The following TAB3 variants were observed in gnomAD, a reference collection of about 807,000 sequenced individuals.
TAB3 encodes TGF-beta activated kinase 1 (MAP3K7) binding protein 3, also known as TGF-beta-activated kinase 1 and MAP3K7-binding protein 3.
In TAB3, 18 loss-of-function variants were observed where a neutral mutation model predicts 48.1. That is an observed-to-expected ratio of 0.37 (90% CI 0.26 to 0.55). TAB3 has a LOEUF of 0.55. Ranked by LOEUF, TAB3 falls within the 20% of genes least tolerant of loss-of-function variation. The pLI is 0.78. For synonymous variants in TAB3, 185 were observed against 190.2 expected (o/e 0.97, Z 0.22); for missense variants, 414 against 549.8 (o/e 0.75, Z 2.47).
intron 10 of TAB3, among the ~76,000 whole-genome samples, chrX:30,833,258 C>T (rs933684809): frequency 7.5e-4 from 82 of 109,939 alleles, no homozygotes; most frequent in African/African-American, 1.4e-3. Context: ...TGTGAGCCAC[C>T]GCACCCGGCC....
intron 1 of TAB3, among the ~76,000 whole-genome samples, 199 bp downstream of exon 1, chrX:30,888,915 G>C (rs775994461): frequency 8.8e-6 from 1 of 113,170 alleles, no homozygotes; most frequent in African/African-American, 3.2e-5. Flanking sequence ...GGCGGGCGCG[G>C]ACGCGCCAGG....
intron 6 of TAB3, among the ~76,000 whole-genome samples, chrX:30,853,799 C>T (rs6631194): frequency 0.47 from 51,804 of 110,537 alleles, 9,947 homozygotes; most frequent in Non-Finnish European, 0.61. Flanking sequence ...CTTAGCCTCC[C>T]GAGTAGCTGG....
At chrX:30,863,917 A>G (rs1046393874) in intron 4 of TAB3, among the ~76,000 whole-genome samples, 24 of 112,507 alleles carry the variant, frequency 2.1e-4, no homozygotes, top group African/African-American at 7.4e-4. Flanking sequence ...CATATTATAG[A>G]TGTGGCTACC....
chrX:30,831,664 C>G (rs1938036739), intron 10 of TAB3, 89 bp from the exon 11 acceptor site: 2 of 1,020,051 alleles, frequency 2.0e-6, no homozygotes, highest in Non-Finnish European at 1.3e-6. Context: ...AAAAATACCA[C>G]AAAAATCAAG....
At chrX:30,884,942 C>G (rs1940090334) in intron 1 of TAB3, among the ~76,000 whole-genome samples, 2 of 112,138 alleles carry the variant, frequency 1.8e-5, no homozygotes, top group South Asian at 3.7e-4. Flanking sequence ...TATGAAAAAC[C>G]AAAACTATGC....
intron 1 of TAB3, among the ~76,000 whole-genome samples, chrX:30,881,309 G>A (rs185997019): frequency 2.7e-5 from 3 of 110,179 alleles, no homozygotes; most frequent in African/African-American, 6.6e-5. Flanking sequence ...GTTCACTACC[G>A]TACTTTCTGT....
At chrX:30,871,249 T>C (rs6628557) in intron 2 of TAB3, among the ~76,000 whole-genome samples, 53,252 of 110,724 alleles carry the variant, frequency 0.48, 10,273 homozygotes, top group Non-Finnish European at 0.62. Context: ...TTATTTAACA[T>C]GGATTTGAGA....
In TAB3 at chrX:30,831,326, G is replaced by A. The variant is rs991144678; in HGVS notation, c.*101C>T. 2.5e-5 allele frequency: 24 copies of A among 977,787 alleles called. 1 individual carries two copies. Among genetic ancestry groups the A allele is most frequent in the East Asian group, 6.8e-5 (2 of 29,384 alleles). 80.6% of individuals were successfully genotyped at this position (977,787 alleles called of 1,213,427 possible). A position where few individuals can be genotyped will look rare whatever the true frequency, so the allele number is the denominator to read the frequency against. On this transcript the variant is annotated 3_prime_UTR_variant, in exon 11 of 11. Transcript: ENST00000288422. Reference sequence around the variant, plus strand: ...CATTCCTCCTCCCCGCTGTGCAATCGAAAATGAAAAGGCTGGGTGGATGAA... The same window carrying A: ...CATTCCTCCTCCCCGCTGTGCAATCAAAAATGAAAAGGCTGGGTGGATGAA...
chrX:30,877,144 T>C (rs1249904864), intron 1 of TAB3, among the ~76,000 whole-genome samples: 1 of 112,200 alleles, frequency 8.9e-6, no homozygotes, highest in African/African-American at 3.2e-5. Context: ...GTTAGATTGA[T>C]AGCTTAATTT....
chrX:30,853,350 G>A (rs978632055), intron 6 of TAB3, among the ~76,000 whole-genome samples: 1 of 112,546 alleles, frequency 8.9e-6, no homozygotes, highest in African/African-American at 3.2e-5. Context: ...TCTACTATTA[G>A]CTAATCCAGT....
intron 1 of TAB3, among the ~76,000 whole-genome samples, chrX:30,872,725 A>G (rs1939697632): frequency 8.9e-6 from 1 of 112,189 alleles, no homozygotes; most frequent in South Asian, 3.7e-4. Flanking sequence ...ATGCACCAGT[A>G]ATCAATGGAT....
At position 30,881,488 on chromosome X, in the gene TAB3, A is replaced by G. The variant is rs150896197; in HGVS notation, c.-383+7626T>C. Among the ~76,000 whole-genome samples the G allele has an allele frequency of 9.6e-3, 1,073 of 111,579 alleles. 9 individuals carry two copies. Among genetic ancestry groups the G allele is most frequent in the African/African-American group, 0.033 (1,023 of 30,737 alleles). ...ACAAAATTTTAAAAAGCAATATACT[A>G]ATTACCAAAAATATACAAGAGGTGT... On this transcript the variant is annotated intron_variant, in intron 1 of 10. Transcript: ENST00000288422.
chrX:30,830,515 A>C lies in TAB3; in HGVS notation c.*912T>G, dbSNP rs961387788. On this transcript the variant is annotated 3_prime_UTR_variant, in exon 11 of 11. Coordinates refer to ENST00000288422, the MANE Select transcript of TAB3 (RefSeq NM_152787.5). ...AACCACAGCTGAGCTCAAGATTTCC[A>C]AATGGATTTTGGAATGGACTTGCAT... The C allele has an allele frequency of 8.9e-6, 1 of 112,506 alleles. No individual in the cohort carries two copies. Among genetic ancestry groups the C allele is most frequent in the East Asian group, 2.8e-4 (1 of 3,590 alleles). The allele number at this position is 112,506 out of a possible 1,213,427, so 9.3% of individuals were successfully genotyped here.
chrX:30,844,719 AG>A (rs1413581724), intron 8 of TAB3: 1 of 112,553 alleles, frequency 8.9e-6, no homozygotes, highest in Non-Finnish European at 1.9e-5. Context: ...AATGACTTTA[AG>A]GGTACCTGAC....
intron 10 of TAB3, among the ~76,000 whole-genome samples, chrX:30,833,552 C>G (rs1320419193): frequency 1.8e-5 from 2 of 110,431 alleles, no homozygotes; most frequent in African/African-American, 3.3e-5. Context: ...TAAAATTTGG[C>G]CAGGCACGGT....
At chrX:30,847,876 C>T (rs1370587342) in intron 7 of TAB3, among the ~76,000 whole-genome samples, 1 of 111,668 alleles carries the variant, frequency 9.0e-6, no homozygotes, top group Non-Finnish European at 1.9e-5. Flanking sequence ...CCACAGAATG[C>T]TAGAGGAACA....
chrX:30,839,944 A>T (rs940692813), intron 9 of TAB3, among the ~76,000 whole-genome samples: 1 of 91,648 alleles, frequency 1.1e-5, no homozygotes, highest in Non-Finnish European at 2.1e-5. Context: ...ATATATATAT[A>T]ATATATATTA....
intron 1 of TAB3, among the ~76,000 whole-genome samples, chrX:30,884,216 T>C (rs1335661122): frequency 1.8e-5 from 2 of 111,769 alleles, no homozygotes; most frequent in Admixed American, 1.9e-4. Flanking sequence ...ACAGAAGGCG[T>C]ATCATCTTCG....
intron 8 of TAB3, chrX:30,846,218 A>ATG: frequency 2.6e-6 from 1 of 387,219 alleles, no homozygotes; most frequent in Non-Finnish European, 3.8e-6. Context: ...GATATTTTAG[A>ATG]TGTCTATCAC....
Sources: gnomAD v4.1 joint callset for allele counts (sites outside exome capture counted in the v4.1 genomes callset) on GRCh38, gnomAD v4.1.1 for gene constraint, MANE v1.5 for transcripts, NCBI Gene and HGNC (gene_info 2026-07-23, HGNC 2026-07-21) for gene names.